NPAS3: variants seen among roughly 807,000 people sequenced by gnomAD.
NPAS3 encodes neuronal PAS domain protein 3.
In NPAS3, 14 loss-of-function variants were observed where a neutral mutation model predicts 73.1. The observed-to-expected ratio is 0.19, with a 90% CI of 0.13 to 0.30. NPAS3 has a LOEUF of 0.30. NPAS3 is among the 10% of genes least tolerant of loss of function. The pLI is 1.00. For missense variants in NPAS3, 1,096 were observed against 1,250.0 expected, an observed-to-expected ratio of 0.88 and a Z score of 1.86; for synonymous variants, 620 against 541.5, an observed-to-expected ratio of 1.14 and a Z score of -2.01.
chr14:33,484,458 G>A (rs879168716), intron 4 of NPAS3, among the ~76,000 whole-genome samples: 2 of 152,196 alleles, frequency 1.3e-5, no homozygotes, highest in Non-Finnish European at 2.9e-5. Context: ...GGCTTGACCT[G>A]TTGACAGGAA....
intron 4 of NPAS3, among the ~76,000 whole-genome samples, chr14:33,400,456 T>G (rs1268890080): frequency 6.6e-6 from 1 of 152,168 alleles, no homozygotes; most frequent in Non-Finnish European, 1.5e-5. Context: ...TTTATGGGTT[T>G]CTTTAAAATC....
At chr14:33,248,134 A>G (rs1297771203) in intron 3 of NPAS3, among the ~76,000 whole-genome samples, 2 of 152,214 alleles carry the variant, frequency 1.3e-5, no homozygotes, top group African/African-American at 2.4e-5. Context: ...ACAACTGCTT[A>G]CCTTTTCACA....
intron 2 of NPAS3, among the ~76,000 whole-genome samples, chr14:33,068,572 A>C (rs2041362270): frequency 6.6e-6 from 1 of 152,218 alleles, no homozygotes; most frequent in Non-Finnish European, 1.5e-5. Context: ...AGAAACAGCC[A>C]CTAAACAGCA....
chr14:33,385,991 G>T (rs527762823), intron 4 of NPAS3, among the ~76,000 whole-genome samples: 1 of 152,262 alleles, frequency 6.6e-6, no homozygotes, highest in South Asian at 2.1e-4. Context: ...AAAGTTGATT[G>T]TAGGAAGGAA....
intron 2 of NPAS3, among the ~76,000 whole-genome samples, chr14:33,128,165 G>A (rs2043499185): frequency 6.6e-6 from 1 of 152,088 alleles, no homozygotes; most frequent in African/African-American, 2.4e-5. Flanking sequence ...AAATCCCAGT[G>A]GTACTGTTTT....
chr14:33,606,700 T>C (rs2057579201), intron 5 of NPAS3, among the ~76,000 whole-genome samples: 1 of 152,078 alleles, frequency 6.6e-6, no homozygotes, highest in African/African-American at 2.4e-5. Flanking sequence ...ATGTCCTAAT[T>C]ATGACGCTAA....
In NPAS3 at chr14:33,177,676, GT is replaced by G. The variant is rs1180388770; in HGVS notation, c.141-37505del. Among the ~76,000 whole-genome samples, 423 of 152,188 alleles carry G rather than the reference GT, an allele frequency of 2.8e-3. 2 individuals carry two copies. Among genetic ancestry groups the G allele is most frequent in the African/African-American group, 9.7e-3 (403 of 41,530 alleles). ...ATTGATCCATTTTACATTCAATTTT[GT>G]AATTGCTATGACGTAGAGGTCCAAC... On this transcript the variant is annotated intron_variant, in intron 2 of 11. Transcript: ENST00000356141.
At chr14:33,127,030 C>T (rs2043452166) in intron 2 of NPAS3, among the ~76,000 whole-genome samples, 1 of 151,908 alleles carries the variant, frequency 6.6e-6, no homozygotes, top group Non-Finnish European at 1.5e-5. Flanking sequence ...ATTCCATCTC[C>T]ACTGCCCTGG....
intron 3 of NPAS3, among the ~76,000 whole-genome samples, chr14:33,362,044 A>C (rs2045628235): frequency 1.3e-5 from 2 of 152,192 alleles, no homozygotes; most frequent in African/African-American, 4.8e-5. Flanking sequence ...ATATGAAAAC[A>C]ATAACAGTGC....
chr14:33,429,297 G>A (rs919409636), intron 4 of NPAS3, among the ~76,000 whole-genome samples: 1 of 152,150 alleles, frequency 6.6e-6, no homozygotes, highest in African/African-American at 2.4e-5. Context: ...TACGGGTTGA[G>A]TCAAAACCCA....
intron 3 of NPAS3, among the ~76,000 whole-genome samples, chr14:33,223,829 T>C (rs1414929214): frequency 7.2e-6 from 1 of 138,326 alleles, no homozygotes; most frequent in Non-Finnish European, 1.6e-5. Context: ...TGTTCAAAAA[T>C]GTATGGCAAA....
At chr14:33,216,486 A>G (rs1435346308) in intron 3 of NPAS3, among the ~76,000 whole-genome samples, 1 of 152,182 alleles carries the variant, frequency 6.6e-6, no homozygotes, top group African/African-American at 2.4e-5. Context: ...GTGAGAGTGT[A>G]AATTTGTTAC....
chr14:33,567,992 T>C (rs766593369), intron 5 of NPAS3, among the ~76,000 whole-genome samples: 12 of 152,254 alleles, frequency 7.9e-5, no homozygotes, highest in Non-Finnish European at 1.5e-4. Flanking sequence ...TAATTCAAGA[T>C]AAGCTTACCA....
intron 5 of NPAS3, among the ~76,000 whole-genome samples, chr14:33,591,942 G>C (rs1048518435): frequency 2.6e-5 from 4 of 152,178 alleles, no homozygotes; most frequent in African/African-American, 9.7e-5. Flanking sequence ...TTACTCCCCA[G>C]ACACCCTTAC....
intron 3 of NPAS3, among the ~76,000 whole-genome samples, chr14:33,355,541 G>T (rs55893851): frequency 0.26 from 39,680 of 151,960 alleles, 5,265 homozygotes; most frequent in Middle Eastern, 0.34. Context: ...CTCATGATCC[G>T]CCTGCCTCGG....
intron 5 of NPAS3, among the ~76,000 whole-genome samples, chr14:33,592,763 G>A (rs545508156): frequency 4.6e-5 from 7 of 152,182 alleles, no homozygotes; most frequent in Non-Finnish European, 1.0e-4. Context: ...ATCCTTTAAG[G>A]CTCTTTTTAG....
At chr14:33,459,876 C>A (rs1303822972) in intron 4 of NPAS3, among the ~76,000 whole-genome samples, 1 of 149,408 alleles carries the variant, frequency 6.7e-6, no homozygotes, top group Admixed American at 6.6e-5. Context: ...CCGTTCTCTT[C>A]TCTTTCTGTC....
intron 4 of NPAS3, among the ~76,000 whole-genome samples, chr14:33,509,332 C>G (rs2052927362): frequency 6.6e-6 from 1 of 151,952 alleles, no homozygotes; most frequent in Non-Finnish European, 1.5e-5. Context: ...AGGAGTTGAG[C>G]AAATATTTGA....
chr14:33,471,486 G>C (rs761901101), intron 4 of NPAS3, among the ~76,000 whole-genome samples: 5 of 152,120 alleles, frequency 3.3e-5, no homozygotes, highest in Non-Finnish European at 7.3e-5. Flanking sequence ...AGTGGGAGTC[G>C]GGAGACAGCG....
Sources: allele counts gnomAD v4.1 joint callset (sites outside exome capture counted in the v4.1 genomes callset), GRCh38; gene constraint gnomAD v4.1.1; transcripts MANE v1.5; gene names NCBI Gene and HGNC (gene_info 2026-07-23, HGNC 2026-07-21).